The following AMOTL1 variants were observed in gnomAD, a reference collection of about 807,000 sequenced individuals.
The protein encoded by AMOTL1 is angiomotin like 1, also known as angiomotin-like protein 1.
In AMOTL1, 45 loss-of-function variants were observed where a neutral mutation model predicts 102.9. The ratio of observed to expected loss-of-function variants is 0.44; its 90% confidence interval spans 0.34 to 0.56. The LOEUF (loss-of-function observed/expected upper bound fraction) is 0.56, where lower values mean the gene tolerates loss of function less well. Ranked by LOEUF, AMOTL1 falls within the 20% of genes least tolerant of loss-of-function variation. The pLI is 0.01. For synonymous variants in AMOTL1, 481 were observed against 484.7 expected, an observed-to-expected ratio of 0.99 and a Z score of 0.10; for missense variants, 1,114 against 1,225.6, an observed-to-expected ratio of 0.91 and a Z score of 1.36.
chr11:94,750,084 C>G (rs1018544572), intron 3 of AMOTL1, among the ~76,000 whole-genome samples: 1 of 152,186 alleles, frequency 6.6e-6, no homozygotes, highest in Admixed American at 6.5e-5. Context: ...TGGCTTGGGT[C>G]ATGTTACCCA....
At chr11:94,850,039 A>G in intron 6 of AMOTL1, 75 bp from the exon 7 acceptor site, 1 of 1,451,274 alleles carries the variant, frequency 6.9e-7, no homozygotes, top group Non-Finnish European at 9.2e-7. Flanking sequence ...AATCCTTGCC[A>G]GATGTCGACT....
Position 94,859,627 on chromosome 11 carries a change from G to C in AMOTL1, c.2047G>C (p.Asp683His), listed in dbSNP as rs752948602. The change falls in exon 9 of 13, where the codon GAC becomes CAC. Residue 683 changes from aspartate to histidine, a missense_variant. By Grantham distance (81) the Asp-to-His change is moderately conservative (BLOSUM62 -1). Transcript: ENST00000433060. ...GGAGCGGATCCTGGCCCTGGAGGCC[G>C]ACATGACAAAGTGGGAGCAGAAGTA... ...KEERILALEA[D>H]MTKWEQKYLE... The C allele has an allele frequency of 6.2e-7, 1 of 1,613,586 alleles. No individual in the cohort carries two copies. The highest frequency in any genetic ancestry group is 1.7e-5 in the Admixed American group (1 of 59,978).
chr11:94,731,176 G>C (rs1404673079), intron 2 of AMOTL1, among the ~76,000 whole-genome samples: 1 of 152,184 alleles, frequency 6.6e-6, no homozygotes, highest in South Asian at 2.1e-4. Context: ...GAGCTTCTGG[G>C]GCTGAGGGAA....
chr11:94,732,284 GCC>G (rs1950366228), intron 2 of AMOTL1, among the ~76,000 whole-genome samples: 1 of 152,098 alleles, frequency 6.6e-6, no homozygotes, highest in Non-Finnish European at 1.5e-5. Context: ...TGAGTCATAG[GCC>G]TTGAGGCAGA....
intron 9 of AMOTL1, among the ~76,000 whole-genome samples, chr11:94,862,399 G>A (rs1038282387): frequency 2.6e-5 from 4 of 152,162 alleles, no homozygotes; most frequent in Non-Finnish European, 4.4e-5. Context: ...TGGTAAAAAT[G>A]ACTATTTCCA....
Position 94,875,477 on chromosome 11 carries a change from C to T in AMOTL1, c.*4682C>T, listed in dbSNP as rs962128829. 3.9e-5 allele frequency: 6 copies of T among 152,058 alleles called. No homozygotes were observed. The highest frequency in any genetic ancestry group is 7.3e-5 in the African/African-American group (3 of 41,356). 9.4% of individuals were successfully genotyped at this position (152,058 alleles called of 1,614,324 possible). Reference sequence around the variant, plus strand: ...GAAGATCAAAGTGTTCATCTCACCCCGCCCTCCTTAAAAGGTGTCTTTTGG... The same window carrying T: ...GAAGATCAAAGTGTTCATCTCACCCTGCCCTCCTTAAAAGGTGTCTTTTGG... On this transcript the variant is annotated 3_prime_UTR_variant, in exon 13 of 13. Transcript: ENST00000433060.
intron 1 of AMOTL1, among the ~76,000 whole-genome samples, chr11:94,791,378 G>T (rs1266925960): frequency 6.6e-6 from 1 of 152,214 alleles, no homozygotes; most frequent in East Asian, 1.9e-4. Context: ...ACTCCCCAGA[G>T]AGCTGACTCC....
intron 8 of AMOTL1, among the ~76,000 whole-genome samples, chr11:94,854,442 C>A (rs1053312771): frequency 6.6e-6 from 1 of 152,120 alleles, no homozygotes. Flanking sequence ...AAGGACAGGG[C>A]CCTGAAACGA....
intron 3 of AMOTL1, among the ~76,000 whole-genome samples, chr11:94,813,355 C>G (rs955358049): frequency 6.6e-6 from 1 of 152,182 alleles, no homozygotes; most frequent in Non-Finnish European, 1.5e-5. Flanking sequence ...CATCTGGGCT[C>G]AGGATGTGTT....
intron 1 of AMOTL1, among the ~76,000 whole-genome samples, chr11:94,791,289 G>C (rs1287097710): frequency 1.3e-5 from 2 of 152,178 alleles, no homozygotes; most frequent in African/African-American, 2.4e-5. Flanking sequence ...ATCCTTTGTG[G>C]AGTGCAGCAA....
Position 94,768,377 on chromosome 11 carries a change from C to A in AMOTL1, c.-135C>A. On this transcript the variant is annotated 5_prime_UTR_variant, in exon 1 of 13. Coordinates refer to ENST00000433060, the MANE Select transcript of AMOTL1 (RefSeq NM_130847.3). ...CGGGAGCGCGCGAGAAGCTCTAGGACCCAGCAGCGGTTGTCGGGTTTGGGG... is the reference window on the plus strand; with the variant it reads ...CGGGAGCGCGCGAGAAGCTCTAGGAACCAGCAGCGGTTGTCGGGTTTGGGG... 1 of 1,490,622 alleles carries A rather than the reference C, an allele frequency of 6.7e-7. No individual in the cohort carries two copies. The highest frequency in any genetic ancestry group is 1.3e-5 in the South Asian group (1 of 77,270). The allele number at this position is 1,490,622 out of a possible 1,614,324, so 92.3% of individuals were successfully genotyped here.
chr11:94,715,773 T>A (rs886567943), intron 1 of AMOTL1, among the ~76,000 whole-genome samples: 4 of 152,102 alleles, frequency 2.6e-5, no homozygotes, highest in Non-Finnish European at 5.9e-5. Context: ...CTTTGGCTGT[T>A]TTTAAGATTT....
chr11:94,732,625 C>T (rs1275229635), intron 2 of AMOTL1, among the ~76,000 whole-genome samples: 3 of 152,146 alleles, frequency 2.0e-5, no homozygotes, highest in Non-Finnish European at 4.4e-5. Flanking sequence ...TTGGGCTGTT[C>T]GGCCACCAGC....
chr11:94,751,712 A>T (rs1211121861), intron 3 of AMOTL1, among the ~76,000 whole-genome samples: 1 of 152,140 alleles, frequency 6.6e-6, no homozygotes, highest in African/African-American at 2.4e-5. Context: ...AAAAAAAAAA[A>T]AAGATCAAGG....
chr11:94,810,853 C>T (rs913013456), intron 3 of AMOTL1, among the ~76,000 whole-genome samples: 1 of 151,620 alleles, frequency 6.6e-6, no homozygotes, highest in Non-Finnish European at 1.5e-5. Flanking sequence ...CACACACACA[C>T]ACACACACAC....
intron 8 of AMOTL1, among the ~76,000 whole-genome samples, chr11:94,855,222 C>T (rs1049374567): frequency 6.6e-6 from 1 of 152,230 alleles, no homozygotes; most frequent in Non-Finnish European, 1.5e-5. Flanking sequence ...CAGCTCAGCC[C>T]TCTCACAGGG....
At chr11:94,748,200 C>T (rs901137482) in intron 3 of AMOTL1, among the ~76,000 whole-genome samples, 1 of 152,190 alleles carries the variant, frequency 6.6e-6, no homozygotes, top group Non-Finnish European at 1.5e-5. Flanking sequence ...TAACTTAGAG[C>T]ATGAACAGTC....
intron 2 of AMOTL1, chr11:94,740,933 C>T (rs1184125105): frequency 7.8e-7 from 1 of 1,288,970 alleles, no homozygotes; most frequent in African/African-American, 1.5e-5. Context: ...TTTCTTCTCC[C>T]CCAGACAGTG....
chr11:94,735,954 C>T (rs1950433925), intron 2 of AMOTL1, among the ~76,000 whole-genome samples: 1 of 152,148 alleles, frequency 6.6e-6, no homozygotes, highest in Non-Finnish European at 1.5e-5. Flanking sequence ...CTCCCAAAAG[C>T]CCATCAACTC....
Sources: gnomAD v4.1 joint callset for allele counts (sites outside exome capture counted in the v4.1 genomes callset) on GRCh38, gnomAD v4.1.1 for gene constraint, MANE v1.5 for transcripts, NCBI Gene and HGNC (gene_info 2026-07-23, HGNC 2026-07-21) for gene names.